MTERF4: variants seen among roughly 807,000 people sequenced by gnomAD.
MTERF4 encodes mitochondrial transcription termination factor 4, also known as transcription termination factor 4, mitochondrial.
MTERF4 carries 17 observed loss-of-function variants against 22.5 expected under a neutral mutation model. That is an observed-to-expected ratio of 0.75 (90% CI 0.52 to 1.13). The LOEUF is 1.13. Ranked by LOEUF, MTERF4 falls within the 50% of genes most tolerant of loss-of-function variation. The pLI is 0.00. For synonymous variants in MTERF4, 165 were observed against 175.3 expected (o/e 0.94, Z 0.47); for missense variants, 420 against 466.8 (o/e 0.90, Z 0.92).
At chr2:241,067,969 A>T, downstream of MTERF4, 4 of 1,319,212 alleles carry the variant, frequency 3.0e-6, no homozygotes, top group East Asian at 2.9e-5. Flanking sequence ...CACCCAGAGC[A>T]TGGGGCTGGG....
the MTERF4 span, among the ~76,000 whole-genome samples, chr2:241,059,844 G>A: frequency 2.6e-5 from 4 of 152,186 alleles, no homozygotes; most frequent in Non-Finnish European, 2.9e-5. Flanking sequence ...CCTGGAATCC[G>A]TACAAGGCAA....
chr2:241,056,550 A>T, the MTERF4 span, among the ~76,000 whole-genome samples: 1 of 151,946 alleles, frequency 6.6e-6, no homozygotes, highest in Admixed American at 6.6e-5. Flanking sequence ...AAATAATTTA[A>T]AAATGAATTA....
downstream of MTERF4, chr2:241,090,178 CCTT>C: frequency 6.8e-7 from 1 of 1,463,276 alleles, no homozygotes; most frequent in East Asian, 2.5e-5. Context: ...TGTTTTCTGT[CCTT>C]AGTGCTTTTC....
rs1305091882 is a variant in MTERF4 at position 241,073,331 on chromosome 2, C to G, written n.2831G>C. ...CCCCAAGCGGGTCAGCCTGGCCCTC[C>G]AGCTCCCTGAACACGGCAGCAAGGA... On this transcript the variant is annotated non_coding_transcript_exon_variant, in exon 5 of 5. Coordinates refer to the MTERF4 transcript ENST00000464344. This position sits in a 1 kb window ranked among gnomAD's most constrained non-coding sequence, Gnocchi z 6.6. 6.4e-7 allele frequency: 1 copy of G among 1,574,172 alleles called. No homozygotes were observed. Among genetic ancestry groups the G allele is most frequent in the African/African-American group, 1.4e-5 (1 of 73,932 alleles).
chr2:241,055,259 C>G, the MTERF4 span, among the ~76,000 whole-genome samples: 1 of 152,154 alleles, frequency 6.6e-6, no homozygotes, highest in South Asian at 2.1e-4. Context: ...TCCAGATGAA[C>G]AGCAGATTAA....
At chr2:241,093,835 C>G (rs1413639680), downstream of MTERF4, 1 of 152,432 alleles carries the variant, frequency 6.6e-6, no homozygotes, top group African/African-American at 2.4e-5. Context: ...TGAAAATACT[C>G]AAAGTCCACC....
chr2:241,097,051 C>T, intron 3 of MTERF4, 192 bp downstream of exon 3: 1 of 631,170 alleles, frequency 1.6e-6, no homozygotes, highest in Non-Finnish European at 2.8e-6. Flanking sequence ...TCTTTCACTT[C>T]CTCCACTCAA....
chr2:241,044,376 A>G, the MTERF4 span, among the ~76,000 whole-genome samples: 7 of 152,364 alleles, frequency 4.6e-5, no homozygotes, highest in African/African-American at 1.7e-4. Flanking sequence ...TGAAAAAGAT[A>G]GAGTAAGCAC....
the MTERF4 span, among the ~76,000 whole-genome samples, chr2:241,045,713 CAA>C: frequency 4.5e-5 from 6 of 133,556 alleles, no homozygotes; most frequent in Admixed American, 7.6e-5. Flanking sequence ...AAAACATAGG[CAA>C]AAAAAAAAAA....
downstream of MTERF4, chr2:241,089,893 C>A: frequency 6.7e-7 from 1 of 1,503,236 alleles, no homozygotes; most frequent in Non-Finnish European, 8.9e-7. Flanking sequence ...ATACTGTAGG[C>A]GGTCGTAACA....
the MTERF4 span, among the ~76,000 whole-genome samples, chr2:241,045,738 G>A: frequency 1.3e-4 from 20 of 150,914 alleles, no homozygotes; most frequent in African/African-American, 4.6e-4. Flanking sequence ...TTTATGACCT[G>A]GTCTTAAGCA....
chr2:241,071,717 C>CCCCCCCGT, downstream of MTERF4: 1 of 1,505,872 alleles, frequency 6.6e-7, no homozygotes, highest in Non-Finnish European at 9.0e-7. Context: ...ACCCAGCCCC[C>CCCCCCCGT]CAGGTACATG....
downstream of MTERF4, chr2:241,068,006 A>C: frequency 6.8e-7 from 1 of 1,474,140 alleles, no homozygotes; most frequent in Non-Finnish European, 9.3e-7. The surrounding 1 kb of genome is among the most constrained non-coding windows in gnomAD (Gnocchi z 5.3). Context: ...GGGCTCGGGG[A>C]CACGGGGCCC....
chr2:241,089,424 C>G (rs573771646), downstream of MTERF4: 4 of 1,549,656 alleles, frequency 2.6e-6, no homozygotes, highest in Admixed American at 7.9e-5. Context: ...AGAAGCAAAA[C>G]AGCTTTTCAG....
rs771461081 is a variant in MTERF4, at chr2:241,095,660, C to A, written c.*338G>T. ...AATGAACCCCATCTTCCAACTGTCA[C>A]GGAATTATCACCAACATATTCAAAA... On this transcript the variant is annotated 3_prime_UTR_variant, in exon 4 of 4. Transcript: ENST00000391980. The A allele has an allele frequency of 2.7e-5, 7 of 255,794 alleles. No homozygotes were observed. The highest frequency in any genetic ancestry group is 5.2e-5 in the Non-Finnish European group (7 of 133,788). 15.8% of individuals were successfully genotyped at this position (255,794 alleles called of 1,614,324 possible). A position where few individuals can be genotyped will look rare whatever the true frequency, so the allele number is the denominator to read the frequency against.
downstream of MTERF4, chr2:241,087,631 G>A (rs1027762660): frequency 1.3e-5 from 18 of 1,438,174 alleles, no homozygotes; most frequent in African/African-American, 4.3e-5. Context: ...GTTCTGCTAC[G>A]AAACTGTATG....
chr2:241,048,730 T>A, the MTERF4 span: 1 of 1,612,850 alleles, frequency 6.2e-7, no homozygotes, highest in Non-Finnish European at 8.5e-7. Context: ...CCTCTGCCAG[T>A]GCCCCCTGGG....
downstream of MTERF4, chr2:241,087,377 T>G: frequency 6.3e-7 from 1 of 1,583,748 alleles, no homozygotes; most frequent in Middle Eastern, 1.7e-4. Flanking sequence ...TTACAAAGCT[T>G]TCTTGTGACA....
the MTERF4 span, among the ~76,000 whole-genome samples, chr2:241,057,489 T>C: frequency 1.3e-5 from 2 of 149,252 alleles, no homozygotes; most frequent in Admixed American, 1.3e-4. Flanking sequence ...TCAAGACCAG[T>C]CTGGGCCACA....
Sources: gnomAD v4.1 joint callset for allele counts (sites outside exome capture counted in the v4.1 genomes callset) on GRCh38, gnomAD v4.1.1 for gene constraint, Gnocchi (gnomAD v3.1) non-coding constraint, MANE v1.5 for transcripts, NCBI Gene and HGNC (gene_info 2026-07-23, HGNC 2026-07-21) for gene names.